DENND2C: variants seen among roughly 807,000 people sequenced by gnomAD.
DENND2C encodes the protein DENN domain-containing protein 2C.
A neutral mutation model predicts 112.4 loss-of-function variants in DENND2C; 72 were observed. That is an observed-to-expected ratio of 0.64 (90% CI 0.53 to 0.78). The LOEUF is 0.78. Ranked by LOEUF, DENND2C falls within the 30% of genes least tolerant of loss-of-function variation. The pLI, the probability that DENND2C is intolerant of heterozygous loss-of-function variation, is 0.00. For missense variants in DENND2C, 992 were observed against 1,113.8 expected (o/e 0.89, Z 1.56); for synonymous variants, 329 against 381.6 (o/e 0.86, Z 1.61).
intron 3 of DENND2C, among the ~76,000 whole-genome samples, chr1:114,628,127 G>A (rs1042423780): frequency 1.3e-5 from 2 of 151,792 alleles, no homozygotes; most frequent in African/African-American, 2.4e-5. Context: ...GCAATATAGT[G>A]AGACTTCATC....
intron 10 of DENND2C, 43 bp downstream of exon 10, chr1:114,608,643 C>T: frequency 6.3e-7 from 1 of 1,593,616 alleles, no homozygotes; most frequent in Non-Finnish European, 8.6e-7. Context: ...TACACAGAGA[C>T]ACAGGAACAT....
At chr1:114,638,150 T>C (rs1656707472) in intron 3 of DENND2C, among the ~76,000 whole-genome samples, 1 of 152,032 alleles carries the variant, frequency 6.6e-6, no homozygotes, top group Non-Finnish European at 1.5e-5. Context: ...ATATATATAG[T>C]CAATTGATTT....
At chr1:114,611,662 C>T (rs1255188483) in intron 8 of DENND2C, among the ~76,000 whole-genome samples, 2 of 152,060 alleles carry the variant, frequency 1.3e-5, no homozygotes, top group Non-Finnish European at 2.9e-5. Context: ...TCTCACAGTA[C>T]TCATACTGCT....
chr1:114,625,871 T>C lies in DENND2C; in HGVS notation c.114A>G (p.Pro38=), dbSNP rs755110729. 6.2e-7 allele frequency: 1 copy of C among 1,614,132 alleles called. No homozygotes were observed. The highest frequency in any genetic ancestry group is 1.1e-5 in the South Asian group (1 of 91,080). ...CAAAGTCCTTTGGACACCACTTTTC[T>C]GGATTAGATATACCATTAGCCCTTC... ...WEGRANGISN[P]EKWCPKDFGV... The change falls in exon 4 of 21, where the codon CCA becomes CCG. Residue 38 remains proline, a synonymous_variant. Transcript: ENST00000393274.
At chr1:114,638,301 C>T (rs1208182706) in intron 3 of DENND2C, among the ~76,000 whole-genome samples, 1 of 152,142 alleles carries the variant, frequency 6.6e-6, no homozygotes, top group Non-Finnish European at 1.5e-5. Flanking sequence ...AACCTAACTA[C>T]TAAGAGCTAA....
chr1:114,599,584 A>AT (rs1330243527), intron 15 of DENND2C, 133 bp from the exon 16 acceptor site: 1 of 668,468 alleles, frequency 1.5e-6, no homozygotes, highest in African/African-American at 1.8e-5. Context: ...ACAGTCATTA[A>AT]TTTTTTAACA....
chr1:114,650,699 T>C (rs1224616936), intron 2 of DENND2C, among the ~76,000 whole-genome samples: 6 of 127,644 alleles, frequency 4.7e-5, no homozygotes, highest in African/African-American at 1.7e-4. Context: ...AAAAAAAGAA[T>C]TTCAGACTAC....
chr1:114,654,166 C>A (rs1657244032), intron 2 of DENND2C, among the ~76,000 whole-genome samples: 1 of 152,190 alleles, frequency 6.6e-6, no homozygotes, highest in South Asian at 2.1e-4. Context: ...GACACGGTGG[C>A]TCATGCCTGT....
chr1:114,594,529 A>G lies in DENND2C; in HGVS notation c.2375T>C (p.Met792Thr). The G allele has an allele frequency of 6.2e-7, 1 of 1,614,056 alleles. No individual in the cohort carries two copies. Among genetic ancestry groups the G allele is most frequent in the Non-Finnish European group, 8.5e-7 (1 of 1,180,002 alleles). ...ILPPKLQAAL[M>T]QILEERNEIL... ...TTCATTTCGTTCTTCCAAAATCTGC[A>G]TCAGGGCAGCTTGAAGTTTTGGTGG... Residue 792 changes from methionine to threonine, a missense_variant, in exon 18 of 21, where the codon ATG becomes ACG. Around this residue, in one of 3 missense-constraint regions of DENND2C, gnomAD observed 516 missense variants for 623.6 expected, o/e 0.83. Coordinates refer to ENST00000393274, the MANE Select transcript of DENND2C (RefSeq NM_001256404.2).
At chr1:114,641,758 G>A (rs1044641808) in intron 3 of DENND2C, among the ~76,000 whole-genome samples, 3 of 151,924 alleles carry the variant, frequency 2.0e-5, no homozygotes, top group Non-Finnish European at 2.9e-5. Flanking sequence ...TTATAGCAAC[G>A]CACAATGGAC....
At chr1:114,634,740 G>C (rs1445050167) in intron 3 of DENND2C, among the ~76,000 whole-genome samples, 1 of 151,992 alleles carries the variant, frequency 6.6e-6, no homozygotes, top group Non-Finnish European at 1.5e-5. Flanking sequence ...TTTGAAACTG[G>C]AACACGGCCG....
chr1:114,643,025 C>A (rs150727726), intron 3 of DENND2C, among the ~76,000 whole-genome samples: 33 of 152,258 alleles, frequency 2.2e-4, no homozygotes, highest in African/African-American at 7.9e-4. Context: ...ATAGCAAATA[C>A]CTGTGTATGT....
At chr1:114,594,244 GA>G (rs1655277802) in intron 18 of DENND2C, among the ~76,000 whole-genome samples, 1 of 152,190 alleles carries the variant, frequency 6.6e-6, no homozygotes, top group African/African-American at 2.4e-5. Flanking sequence ...GAGTCATGTG[GA>G]TATCTGCGGG....
intron 20 of DENND2C, chr1:114,586,660 C>T (rs1197252148): frequency 2.6e-5 from 4 of 151,656 alleles, no homozygotes; most frequent in South Asian, 4.2e-4. Context: ...ATGAGGCCCA[C>T]TTACTGCAAA....
intron 6 of DENND2C, among the ~76,000 whole-genome samples, 158 bp downstream of exon 6, chr1:114,622,829 T>A (rs1238939189): frequency 1.3e-5 from 2 of 150,870 alleles, no homozygotes; most frequent in Admixed American, 6.6e-5. Flanking sequence ...CTGTATGTTA[T>A]CCCAAAAAAC....
intron 1 of DENND2C, among the ~76,000 whole-genome samples, chr1:114,661,047 G>A (rs1053939546): frequency 6.0e-5 from 9 of 149,116 alleles, no homozygotes; most frequent in African/African-American, 2.2e-4. Context: ...GGAGGCGGAG[G>A]TTGCAGTGAG....
At chr1:114,634,306 A>G (rs151171503) in intron 3 of DENND2C, among the ~76,000 whole-genome samples, 374 of 152,244 alleles carry the variant, frequency 2.5e-3, no homozygotes, top group South Asian at 0.02. Flanking sequence ...ACTTTACTCA[A>G]CAAACATAAA....
intron 3 of DENND2C, among the ~76,000 whole-genome samples, chr1:114,644,076 T>C (rs1170778829): frequency 1.3e-5 from 2 of 152,172 alleles, no homozygotes; most frequent in Non-Finnish European, 2.9e-5. Flanking sequence ...CCAATGGTAA[T>C]TCCTGTTAAC....
chr1:114,608,683 T>C lies in DENND2C; in HGVS notation c.1557+3A>G. On this transcript the variant is annotated splice_donor_region_variant and intron_variant, in intron 10 of 20. Transcript: ENST00000393274. Reference sequence around the variant, plus strand: ...GAATGCCTCTTGGCCTCCTTGTGCCTACCTTGCCAGGGAATTGTTGTATGA... The same window carrying C: ...GAATGCCTCTTGGCCTCCTTGTGCCCACCTTGCCAGGGAATTGTTGTATGA... The C allele has an allele frequency of 3.1e-6, 5 of 1,613,154 alleles. No homozygotes were observed. The highest frequency in any genetic ancestry group is 4.2e-6 in the Non-Finnish European group (5 of 1,179,392).
Sources: gnomAD v4.1 joint callset for allele counts (sites outside exome capture counted in the v4.1 genomes callset) on GRCh38, gnomAD v4.1.1 for gene constraint, gnomAD v4.1.1 regional missense constraint, MANE v1.5 for transcripts, NCBI Gene and HGNC (gene_info 2026-07-23, HGNC 2026-07-21) for gene names.